Variants in UBE2K observed in about 807,000 individuals in gnomAD.
UBE2K encodes ubiquitin conjugating enzyme E2 K.
In UBE2K, 6 loss-of-function variants were observed where a neutral mutation model predicts 30.0. That is an observed-to-expected ratio of 0.20 (90% CI 0.11 to 0.39). The LOEUF (loss-of-function observed/expected upper bound fraction) is 0.39. UBE2K is among the 10% of genes least tolerant of loss of function. The pLI, the probability that UBE2K is intolerant of heterozygous loss-of-function variation, is 1.00. For missense variants in UBE2K, 61 were observed against 241.6 expected, an observed-to-expected ratio of 0.25 and a Z score of 4.96; for synonymous variants, 86 against 83.7, an observed-to-expected ratio of 1.03 and a Z score of -0.15.
intron 5 of UBE2K, 47 bp downstream of exon 5, chr4:39,774,980 T>C: frequency 7.6e-7 from 1 of 1,320,254 alleles, no homozygotes; most frequent in Non-Finnish European, 1.1e-6. Context: ...TGTATGAGTC[T>C]CTAGCCACTT....
At chr4:39,719,550 T>C (rs1457824241) in intron 1 of UBE2K, among the ~76,000 whole-genome samples, 1 of 152,232 alleles carries the variant, frequency 6.6e-6, no homozygotes. Context: ...AGGGCAGGCT[T>C]CCGTTACTTT....
intron 4 of UBE2K, among the ~76,000 whole-genome samples, 181 bp from the exon 5 acceptor site, chr4:39,774,653 A>G (rs1713177343): frequency 6.6e-6 from 1 of 152,196 alleles, no homozygotes; most frequent in African/African-American, 2.4e-5. Flanking sequence ...ATTGTAAAGT[A>G]AGGAAGAAAA....
intron 4 of UBE2K, chr4:39,770,634 G>C: frequency 6.3e-7 from 1 of 1,599,522 alleles, no homozygotes; most frequent in Non-Finnish European, 8.5e-7. Flanking sequence ...TGCGTTCTCC[G>C]ACAGGCTATA....
At chr4:39,760,622 G>A (rs1578489024) in intron 4 of UBE2K, among the ~76,000 whole-genome samples, 1 of 152,156 alleles carries the variant, frequency 6.6e-6, no homozygotes, top group African/African-American at 2.4e-5. Context: ...CGATAGCCCA[G>A]CGCAGTGGCT....
At chr4:39,750,421 T>C (rs1011059472) in intron 3 of UBE2K, among the ~76,000 whole-genome samples, 1 of 152,234 alleles carries the variant, frequency 6.6e-6, no homozygotes, top group African/African-American at 2.4e-5. Context: ...CATTTCTGTC[T>C]GGGAACATTG....
intron 1 of UBE2K, among the ~76,000 whole-genome samples, chr4:39,713,285 A>ATTTTTTTTTTTT (rs1244665609): frequency 5.1e-5 from 2 of 39,352 alleles, no homozygotes; most frequent in African/African-American, 1.5e-4. Flanking sequence ...TTCTGTAGGA[A>ATTTTTTTTTTTT]ATTTTTTTTT....
At chr4:39,770,324 G>A in intron 4 of UBE2K, 2 of 1,613,106 alleles carry the variant, frequency 1.2e-6, no homozygotes, top group Admixed American at 1.7e-5. Flanking sequence ...CACGATGCAC[G>A]TTCCTGTGGT....
chr4:39,733,359 A>C (rs1720184902), intron 1 of UBE2K, among the ~76,000 whole-genome samples: 1 of 145,494 alleles, frequency 6.9e-6, no homozygotes, highest in Non-Finnish European at 1.5e-5. Context: ...TTTGAGACAG[A>C]ATCTCGGTCT....
chr4:39,771,392 A>C, intron 4 of UBE2K: 1 of 1,611,850 alleles, frequency 6.2e-7, no homozygotes, highest in Middle Eastern at 1.7e-4. Flanking sequence ...GTAGCGGCCT[A>C]GTGGCCGGGC....
Position 39,698,197 on chromosome 4 carries a change from G to T in UBE2K, c.-131G>T. 1 of 877,262 alleles carries T rather than the reference G, an allele frequency of 1.1e-6. No homozygotes were observed. Among genetic ancestry groups the T allele is most frequent in the Non-Finnish European group, 1.9e-6 (1 of 535,274 alleles). The allele number at this position is 877,262 out of a possible 1,614,324, so 54.3% of individuals were successfully genotyped here. On this transcript the variant is annotated 5_prime_UTR_variant, in exon 1 of 7. Coordinates refer to ENST00000261427, the MANE Select transcript of UBE2K (RefSeq NM_005339.5). ...CTGAGGCGAGCGCGGCGGCCGGGGT[G>T]GTAGTGGCAGTGTTCGTGTGCTCAG...
rs869207095 is a variant in UBE2K, at chr4:39,762,936, C to CTTTTTTTT, written c.299+7217_299+7224dup. On this transcript the variant is annotated intron_variant, in intron 4 of 6. Transcript: ENST00000261427. Reference sequence around the variant, plus strand: ...GAGCCACGCACCCGGCCAAAAAACACTTTTTTTTTTTTTTTTTTTTTTTTT... The same window carrying CTTTTTTTT: ...GAGCCACGCACCCGGCCAAAAAACACTTTTTTTTTTTTTTTTTTTTTTTTTTTTTTTTT... Among the ~76,000 whole-genome samples the CTTTTTTTT allele has an allele frequency of 7.2e-3, 569 of 78,692 alleles. 31 individuals are homozygous for CTTTTTTTT. The highest frequency in any genetic ancestry group is 0.011 in the Non-Finnish European group (451 of 42,856). The allele number at this position is 78,692 out of a possible 152,430, so 51.6% of individuals were successfully genotyped here.
intron 4 of UBE2K, among the ~76,000 whole-genome samples, chr4:39,760,176 C>CAAAAAAAAAAAAAAA: frequency 1.3e-5 from 1 of 77,178 alleles, no homozygotes; most frequent in Admixed American, 1.8e-4. Flanking sequence ...GACTCTGTCA[C>CAAAAAAAAAAAAAAA]AAAAAAAAAA....
chr4:39,768,679 G>A (rs1578500771), intron 4 of UBE2K, among the ~76,000 whole-genome samples: 1 of 152,036 alleles, frequency 6.6e-6, no homozygotes, highest in Admixed American at 6.6e-5. Context: ...ACCGTGCCTG[G>A]TCCTATTTTT....
chr4:39,778,296 T>C, intron 6 of UBE2K, 64 bp from the exon 7 acceptor site: 3 of 1,053,164 alleles, frequency 2.8e-6, no homozygotes, highest in Non-Finnish European at 4.3e-6. Context: ...AAAGAGTGAA[T>C]GATTCAGTAT....
intron 4 of UBE2K, among the ~76,000 whole-genome samples, chr4:39,768,400 T>C (rs1361669972): frequency 6.8e-6 from 1 of 148,112 alleles, no homozygotes; most frequent in East Asian, 2.0e-4. Flanking sequence ...TGAGCCAAGA[T>C]TGCACCACTG....
chr4:39,732,609 C>T (rs1027176055), intron 1 of UBE2K, among the ~76,000 whole-genome samples: 22 of 150,102 alleles, frequency 1.5e-4, no homozygotes, highest in African/African-American at 5.4e-4. Context: ...ATTTTGCATG[C>T]TTCATGTATA....
At chr4:39,761,473 T>C (rs1303518819) in intron 4 of UBE2K, among the ~76,000 whole-genome samples, 1 of 152,230 alleles carries the variant, frequency 6.6e-6, no homozygotes, top group African/African-American at 2.4e-5. Flanking sequence ...TGAGTCCTTA[T>C]GAATGAATAT....
At chr4:39,706,111 A>T (rs2109305814) in intron 1 of UBE2K, among the ~76,000 whole-genome samples, 1 of 152,172 alleles carries the variant, frequency 6.6e-6, no homozygotes, top group South Asian at 2.1e-4. Context: ...TCTCAGGTTC[A>T]TGCCATTCTC....
At position 39,782,107 on chromosome 4, in the gene UBE2K, T is replaced by C; in HGVS notation, c.*3673T>C. On this transcript the variant is annotated 3_prime_UTR_variant, in exon 7 of 7. Coordinates refer to ENST00000261427, the MANE Select transcript of UBE2K (RefSeq NM_005339.5). Reference sequence around the variant, plus strand: ...TTCTGTTACTGCTTCATTGGACTGATACACCCTCATGAACTTGCAATCACC... The same window carrying C: ...TTCTGTTACTGCTTCATTGGACTGACACACCCTCATGAACTTGCAATCACC... The C allele has an allele frequency of 5.0e-6, 2 of 396,238 alleles. No individual in the cohort carries two copies. Among genetic ancestry groups the C allele is most frequent in the Non-Finnish European group, 8.9e-6 (2 of 224,816 alleles). The allele number at this position is 396,238 out of a possible 1,614,324, so 24.5% of individuals were successfully genotyped here. A position where few individuals can be genotyped will look rare whatever the true frequency, so the allele number is the denominator to read the frequency against.
Sources: gnomAD v4.1 joint callset for allele counts (sites outside exome capture counted in the v4.1 genomes callset) on GRCh38, gnomAD v4.1.1 for gene constraint, MANE v1.5 for transcripts, NCBI Gene and HGNC (gene_info 2026-07-23, HGNC 2026-07-21) for gene names.